The following AHNAK2 variants were observed in gnomAD, a reference collection of about 807,000 sequenced individuals.
The protein encoded by AHNAK2 is AHNAK nucleoprotein 2.
AHNAK2 carries 18 observed loss-of-function variants against 30.7 expected under a neutral mutation model. The observed-to-expected ratio is 0.59, with a 90% CI of 0.41 to 0.87. The LOEUF (loss-of-function observed/expected upper bound fraction) is 0.87, where lower values mean the gene tolerates loss of function less well. Ranked by LOEUF, AHNAK2 falls within the 40% of genes least tolerant of loss-of-function variation. The pLI is 0.00. For synonymous variants in AHNAK2, 3,590 were observed against 3,073.8 expected (o/e 1.17, Z -5.56); for missense variants, 8,604 against 7,373.0 (o/e 1.17, Z -6.11).
chr14:104,952,678 T>G lies in AHNAK2; in HGVS notation c.2773A>C (p.Lys925Gln). ...HLPKVEMPSF[K>Q]MPKVDLKGPQ... The stretch of plus-strand genomic sequence containing the variant: ...CCCTTGAGGTCCACTTTGGGCATCT[T>G]GAAACTGGGCATCTCCACTTTGGGC... The change falls in exon 7 of 7, where the codon AAG (lysine) becomes CAG (glutamine). Residue 925 changes from lysine (K) to glutamine (Q), a missense_variant. By Grantham distance (53) the Lys-to-Gln change is moderately conservative (BLOSUM62 1). Coordinates refer to ENST00000333244, the MANE Select transcript of AHNAK2 (RefSeq NM_138420.4). The G allele has an allele frequency of 6.2e-7, 1 of 1,612,600 alleles. No individual in the cohort carries two copies. Among genetic ancestry groups the G allele is most frequent in the Non-Finnish European group, 8.5e-7 (1 of 1,179,562 alleles).
In AHNAK2 at chr14:104,947,645, C is replaced by G. The variant is rs756703330; in HGVS notation, c.7806G>C (p.Val2602=). The change falls in exon 7 of 7, where the codon GTG becomes GTC. Residue 2602 remains valine, a synonymous_variant. Coordinates refer to ENST00000333244, the MANE Select transcript of AHNAK2 (RefSeq NM_138420.4). ...KLDLKGPKAE[V]TAPDVEMSLS... is the part of the protein sequence containing the mutation. ...GAGACATCTCCACATCGGGGGCTGTCACTTCCGCCTTGGGGCCTTTCAGGT... is the reference window on the plus strand; with the variant it reads ...GAGACATCTCCACATCGGGGGCTGTGACTTCCGCCTTGGGGCCTTTCAGGT... 11 of 1,613,218 alleles carry G rather than the reference C, an allele frequency of 6.8e-6. No homozygotes were observed. The highest frequency in any genetic ancestry group is 1.3e-5 in the African/African-American group (1 of 74,740).
Position 104,941,891 on chromosome 14 carries a change from C to T in AHNAK2, c.13560G>A (p.Leu4520=), listed in dbSNP as rs1268132323. The T allele has an allele frequency of 4.3e-6, 7 of 1,613,494 alleles. No homozygotes were observed. The highest frequency in any genetic ancestry group is 5.9e-6 in the Non-Finnish European group (7 of 1,179,704). ...DLRIQAPSAD[L]EVQAGQVDLK... is the part of the protein sequence containing the mutation. ...AGTCCACCTGGCCAGCCTGGACCTC[C>T]AGGTCGGCGGAAGGGGCCTGAATGC... The change falls in exon 7 of 7, where the codon CTG becomes CTA. Residue 4520 remains leucine, a synonymous_variant. Coordinates refer to ENST00000333244, the MANE Select transcript of AHNAK2 (RefSeq NM_138420.4).
At position 104,943,022 on chromosome 14, in the gene AHNAK2, G is replaced by T; in HGVS notation, c.12429C>A (p.Phe4143Leu). 6.2e-7 allele frequency: 1 copy of T among 1,612,524 alleles called. No homozygotes were observed. Among genetic ancestry groups the T allele is most frequent in the Non-Finnish European group, 8.5e-7 (1 of 1,179,346 alleles). ...FKMPKFKMPS[F>L]GVSAPGKSME... ...TGGACTTGCCTGGGGCCGACACCCC[G>T]AATGATGGCATCTTGAACTTGGGCA... is the stretch of plus-strand genomic sequence containing the variant. Residue 4143 changes from phenylalanine to leucine, a missense_variant, in exon 7 of 7, where the codon TTC becomes TTA. Phe to Leu is a conservative substitution (Grantham distance 22). Coordinates refer to ENST00000333244, the MANE Select transcript of AHNAK2 (RefSeq NM_138420.4).
At position 104,941,806 on chromosome 14, in the gene AHNAK2, C is replaced by T; in HGVS notation, c.13645G>A (p.Val4549Met). Residue 4549 changes from valine (V) to methionine (M), a missense_variant, in exon 7 of 7, where the codon GTG becomes ATG. Coordinates refer to ENST00000333244, the MANE Select transcript of AHNAK2 (RefSeq NM_138420.4). ...GGCATCTTGAAACTGGGCATCTCCA[C>T]CTTGGGCAGGTGCCCTTTGAGGCCG... Reference protein sequence around the residue: ...VAGLKGHLPKVEMPSFKMPKV... With the variant: ...VAGLKGHLPKMEMPSFKMPKV... 6.2e-7 allele frequency: 1 copy of T among 1,612,754 alleles called. No homozygotes were observed. The highest frequency in any genetic ancestry group is 1.1e-5 in the South Asian group (1 of 90,994).
rs181553990 is a variant in AHNAK2 at position 104,946,527 on chromosome 14, T to C, written c.8924A>G (p.Asp2975Gly). 2,355 of 1,611,656 alleles carry C rather than the reference T, an allele frequency of 1.5e-3. 48 individuals are homozygous for C. The African/African-American group carries it at 0.028, about 19-fold the overall frequency. ...SLADKDVTAK[D>G]SKFKMPKFKM... ...GAACTTGGGCATTTTGAACTTGCTG[T>C]CTTTGGCAGTCACATCCTTGTCGGC... is the stretch of plus-strand genomic sequence containing the variant. Residue 2975 changes from aspartate to glycine, a missense_variant, in exon 7 of 7, where the codon GAC (aspartate) becomes GGC (glycine). Asp to Gly is a moderately conservative substitution (Grantham distance 94, BLOSUM62 -1). Transcript: ENST00000333244.
rs532802749 is a variant in AHNAK2 at position 104,942,006 on chromosome 14, A to G, written c.13445T>C (p.Ile4482Thr). The part of the protein sequence containing the change: ...SFGMLSPGKS[I>T]EVSVDVSAPK... ...CGCAGACACATCCACCGAGACCTCG[A>G]TGGACTTGCCTGGGGACAACATCCC... The change falls in exon 7 of 7, where the codon ATC becomes ACC. Residue 4482 changes from isoleucine (I) to threonine (T), a missense_variant. By Grantham distance (89) the Ile-to-Thr change is moderately conservative. Transcript: ENST00000333244. The G allele has an allele frequency of 3.1e-5, 50 of 1,613,106 alleles. 1 individual carries two copies. The South Asian group carries it at 4.1e-4, about 13-fold the overall frequency.
chr14:104,951,707 C>G lies in AHNAK2; in HGVS notation c.3744G>C (p.Lys1248Asn). The stretch of plus-strand genomic sequence containing the variant: ...GCATCTTCAAACTAGGCATCTGCAC[C>G]TTGGGCAGGTGCCCTTTGAAGCCGG... ...EGAGFKGHLP[K>N]VQMPSLKMPK... The change falls in exon 7 of 7, where the codon AAG becomes AAC. Residue 1248 changes from lysine to asparagine, a missense_variant. Coordinates refer to ENST00000333244, the MANE Select transcript of AHNAK2 (RefSeq NM_138420.4). 1 of 1,246,316 alleles carries G rather than the reference C, an allele frequency of 8.0e-7. No homozygotes were observed. The highest frequency in any genetic ancestry group is 2.3e-5 in the East Asian group (1 of 44,430). The allele number at this position is 1,246,316 out of a possible 1,614,324, so 77.2% of individuals were successfully genotyped here. A position where few individuals can be genotyped will look rare whatever the true frequency, so the allele number is the denominator to read the frequency against.
In AHNAK2 at chr14:104,938,003, G is replaced by A. The variant is rs2140812122; in HGVS notation, c.*60C>T. ...GGGATGGGGTGCTCCATATGTGTGT[G>A]TAGCCTTTACTTTCCAACTTAGTTT... is the stretch of plus-strand genomic sequence containing the variant. On this transcript the variant is annotated 3_prime_UTR_variant, in exon 7 of 7. Coordinates refer to ENST00000333244, the MANE Select transcript of AHNAK2 (RefSeq NM_138420.4). 1 of 1,549,810 alleles carries A rather than the reference G, an allele frequency of 6.5e-7. No individual in the cohort carries two copies. Among genetic ancestry groups the A allele is most frequent in the Non-Finnish European group, 8.8e-7 (1 of 1,141,920 alleles).
chr14:104,950,054 C>A lies in AHNAK2; in HGVS notation c.5397G>T (p.Lys1799Asn), dbSNP rs746473661. Residue 1799 changes from lysine to asparagine, a missense_variant, in exon 7 of 7, where the codon AAG (lysine) becomes AAT (asparagine). Transcript: ENST00000333244. The stretch of plus-strand genomic sequence containing the variant: ...CACCCTCCAGCCGCACACTGTCCAG[C>A]TTGGCTCCTGGAGCCTCGACGTCCA... ...VEVDVEAPGA[K>N]LDSVRLEGDL... 6.3e-7 allele frequency: 1 copy of A among 1,586,988 alleles called. No individual in the cohort carries two copies. The highest frequency in any genetic ancestry group is 8.6e-7 in the Non-Finnish European group (1 of 1,163,160).
intron 1 of AHNAK2, among the ~76,000 whole-genome samples, chr14:104,958,476 A>C (rs1363102656): frequency 6.6e-6 from 1 of 152,310 alleles, no homozygotes; most frequent in East Asian, 1.9e-4. Context: ...TTTGTTCAAA[A>C]CACAAAAACA....
chr14:104,945,072 G>A lies in AHNAK2; in HGVS notation c.10379C>T (p.Ser3460Phe), dbSNP rs779164409. The change falls in exon 7 of 7, where the codon TCC (serine) becomes TTC (phenylalanine). Residue 3460 changes from serine (S) to phenylalanine (F), a missense_variant. Ser to Phe is a radical substitution (Grantham distance 155, BLOSUM62 -2). Coordinates refer to ENST00000333244, the MANE Select transcript of AHNAK2 (RefSeq NM_138420.4). ...GGCAGTCACATCCTTTTCAGCCAGG[G>A]ACAGGTCCCCCTCCAGCCGCGCACC... ...LDGARLEGDL[S>F]LAEKDVTAKD... is the part of the protein sequence containing the mutation. The A allele has an allele frequency of 1.2e-6, 2 of 1,612,996 alleles. No individual in the cohort carries two copies. The highest frequency in any genetic ancestry group is 1.7e-6 in the Non-Finnish European group (2 of 1,179,626).
rs756795331 is a variant in AHNAK2 at position 104,950,390 on chromosome 14, C to T, written c.5061G>A (p.Lys1687=). 17 of 1,586,470 alleles carry T rather than the reference C, an allele frequency of 1.1e-5. 2 individuals carry two copies. Among genetic ancestry groups the T allele is most frequent in the South Asian group, 7.8e-5 (7 of 89,760 alleles). ...IEASVDVSEP[K]VEADVSLPSM... is the part of the protein sequence containing the mutation. ...AGGGGAGGCTCACATCAGCTTCCAC[C>T]TTCGGCTCAGACACATCCACCGAGG... Residue 1687 remains lysine (K), a synonymous_variant, in exon 7 of 7, where the codon AAG becomes AAA. Coordinates refer to ENST00000333244, the MANE Select transcript of AHNAK2 (RefSeq NM_138420.4).
Position 104,954,684 on chromosome 14 carries a change from C to A in AHNAK2, c.767G>T (p.Arg256Met). 6.2e-7 allele frequency: 1 copy of A among 1,612,892 alleles called. No individual in the cohort carries two copies. Among genetic ancestry groups the A allele is most frequent in the East Asian group, 2.2e-5 (1 of 44,862 alleles). The change falls in exon 7 of 7, where the codon AGG (arginine) becomes ATG (methionine). Residue 256 changes from arginine to methionine, a missense_variant. Transcript: ENST00000333244. The surrounding 1 kb of genome is among the most constrained non-coding windows in gnomAD (Gnocchi z 4.3). ...PRVGRGRQSQ[R>M]ERLSWPKFQS... ...AAATTTTGGCCAAGAGAGCCTCTCC[C>A]TCTGGCTCTGCCTGCCTCTCCCCAC...
Position 104,939,723 on chromosome 14 carries a change from T to C in AHNAK2, c.15728A>G (p.Glu5243Gly). 1.2e-6 allele frequency: 2 copies of C among 1,613,904 alleles called. No individual in the cohort carries two copies. Among genetic ancestry groups the C allele is most frequent in the Non-Finnish European group, 1.7e-6 (2 of 1,179,894 alleles). ...TGGGAGCTGTAGGGACATAGCTGCC[T>C]CCACGTTTGACCCAGAAACAAGGAA... ...KEFLVSGSNV[E>G]AAMSLQLPEA... The change falls in exon 7 of 7, where the codon GAG becomes GGG. Residue 5243 changes from glutamate (E) to glycine (G), a missense_variant. Glu to Gly is a moderately conservative substitution (Grantham distance 98, BLOSUM62 -2). Coordinates refer to ENST00000333244, the MANE Select transcript of AHNAK2 (RefSeq NM_138420.4).
rs1435867176 is a variant in AHNAK2, at chr14:104,943,541, C to T, written c.11910G>A (p.Met3970Ile). 3.1e-6 allele frequency: 5 copies of T among 1,613,080 alleles called. No homozygotes were observed. Among genetic ancestry groups the T allele is most frequent in the Middle Eastern group, 1.7e-4 (1 of 6,052 alleles). The change falls in exon 7 of 7, where the codon ATG becomes ATA. Residue 3970 changes from methionine (M) to isoleucine (I), a missense_variant. Coordinates refer to ENST00000333244, the MANE Select transcript of AHNAK2 (RefSeq NM_138420.4). Reference sequence around the variant, plus strand: ...CGAACGACGGCATCTTGAACTTGGGCATTTTGAACTTGCTGTCTTTGGCCG... The same window carrying T: ...CGAACGACGGCATCTTGAACTTGGGTATTTTGAACTTGCTGTCTTTGGCCG... ...DMTAKDSKFK[M>I]PKFKMPSFGV... is the part of the protein sequence containing the mutation.
Position 104,954,727 on chromosome 14 carries a change from G to T in AHNAK2, c.724C>A (p.Leu242Ile). ...TLEGDGDQER[L>I]ISKPRVGRGR... ...CTCCCCACCCTTGGTTTGGAGATGA[G>T]TCTCTCTTGGTCCCCATCTCCTTCC... Residue 242 changes from leucine to isoleucine, a missense_variant, in exon 7 of 7, where the codon CTC becomes ATC. Leu to Ile is a conservative substitution (Grantham distance 5). Transcript: ENST00000333244. The surrounding 1 kb of genome is among the most constrained non-coding windows in gnomAD (Gnocchi z 4.3). The T allele has an allele frequency of 6.2e-7, 1 of 1,611,312 alleles. No homozygotes were observed. Among genetic ancestry groups the T allele is most frequent in the Non-Finnish European group, 8.5e-7 (1 of 1,178,880 alleles).
rs200641835 is a variant in AHNAK2, at chr14:104,950,892, G to A, written c.4559C>T (p.Ala1520Val). 9 of 1,562,700 alleles carry A rather than the reference G, an allele frequency of 5.8e-6. No individual in the cohort carries two copies. The highest frequency in any genetic ancestry group is 2.8e-5 in the African/African-American group (2 of 71,546). The stretch of plus-strand genomic sequence containing the variant: ...GCTCACGTCGGCCTCCACCTTCGGC[G>A]CAGACACATCCACTGAGGCCTCGAT... ...KSIEASVDVS[A>V]PKVEADVSLP... The change falls in exon 7 of 7, where the codon GCG becomes GTG. Residue 1520 changes from alanine to valine, a missense_variant. Physicochemically the swap from Ala to Val is moderately conservative, Grantham distance 64. Transcript: ENST00000333244.
chr14:104,945,188 T>A lies in AHNAK2; in HGVS notation c.10263A>T (p.Lys3421Asn), dbSNP rs1898195002. The change falls in exon 7 of 7, where the codon AAA (lysine) becomes AAT (asparagine). Residue 3421 changes from lysine to asparagine, a missense_variant. Physicochemically the swap from Lys to Asn is moderately conservative, Grantham distance 94 (BLOSUM62 0). Transcript: ENST00000333244. ...VDIKGPKLDL[K>N]VPKAEVTVPD... ...GGACTGTCACTTCCGCCTTGGGGAC[T>A]TTTAGGTCCAGCTTGGGGCCCTTGA... 1 of 1,613,058 alleles carries A rather than the reference T, an allele frequency of 6.2e-7. No individual in the cohort carries two copies. Among genetic ancestry groups the A allele is most frequent in the Non-Finnish European group, 8.5e-7 (1 of 1,179,644 alleles).
rs772345280 is a variant in AHNAK2 at position 104,942,889 on chromosome 14, C to T, written c.12562G>A (p.Ala4188Thr). Residue 4188 changes from alanine to threonine, a missense_variant, in exon 7 of 7, where the codon GCC becomes ACC. Physicochemically the swap from Ala to Thr is moderately conservative, Grantham distance 58. Transcript: ENST00000333244. Reference sequence around the variant, plus strand: ...TGGCCAGCCTGGACCTCCAGGTCGGCGGAAGGGGACTGAATGCTGAGGTCA... The same window carrying T: ...TGGCCAGCCTGGACCTCCAGGTCGGTGGAAGGGGACTGAATGCTGAGGTCA... ...TTDLSIQSPSADLEVQAGQVD... is the reference protein window; with the variant it reads ...TTDLSIQSPSTDLEVQAGQVD... The T allele has an allele frequency of 3.7e-5, 59 of 1,612,768 alleles. No individual in the cohort carries two copies. The highest frequency in any genetic ancestry group is 4.7e-5 in the Non-Finnish European group (55 of 1,179,526).
Sources: allele counts gnomAD v4.1 joint callset (sites outside exome capture counted in the v4.1 genomes callset), GRCh38; gene constraint gnomAD v4.1.1; non-coding constraint Gnocchi (gnomAD v3.1); transcripts MANE v1.5; gene names NCBI Gene and HGNC (gene_info 2026-07-23, HGNC 2026-07-21).